SLC30A3: variants seen among roughly 807,000 people sequenced by gnomAD.
SLC30A3 encodes probable proton-coupled zinc antiporter SLC30A3.
In SLC30A3, 20 loss-of-function variants were observed where a neutral mutation model predicts 35.6. That is an observed-to-expected ratio of 0.56 (90% CI 0.39 to 0.82). The LOEUF is 0.82. SLC30A3 is among the 40% of genes least tolerant of loss of function. The pLI is 0.00. For synonymous variants in SLC30A3, 217 were observed against 224.7 expected, an observed-to-expected ratio of 0.97 and a Z score of 0.31; for missense variants, 401 against 530.6, an observed-to-expected ratio of 0.76 and a Z score of 2.40.
At chr2:27,269,309 G>A (rs1203365802) in intron 1 of SLC30A3, among the ~76,000 whole-genome samples, 1 of 150,062 alleles carries the variant, frequency 6.7e-6, no homozygotes, top group African/African-American at 2.5e-5. Flanking sequence ...GGGTTCAAGT[G>A]ATGCTCCTGC....
At chr2:27,269,339 G>A (rs1677633878) in intron 1 of SLC30A3, among the ~76,000 whole-genome samples, 5 of 151,624 alleles carry the variant, frequency 3.3e-5, no homozygotes, top group Admixed American at 3.3e-4. Flanking sequence ...CCGAGTAGCT[G>A]GGACTACAGG....
upstream of SLC30A3, among the ~76,000 whole-genome samples, chr2:27,267,137 C>T (rs1161556978): frequency 6.6e-6 from 1 of 152,090 alleles, no homozygotes; most frequent in Non-Finnish European, 1.5e-5. Context: ...CTGCTCAGGC[C>T]AGACATCCTA....
intron 1 of SLC30A3, 116 bp from the exon 2 acceptor site, chr2:27,259,050 G>T (rs1043034847): frequency 5.0e-6 from 4 of 792,900 alleles, no homozygotes; most frequent in Non-Finnish European, 7.9e-6. Context: ...AGGCCTGGTC[G>T]TATCTGGGAG....
rs371039560 is a variant in SLC30A3 at position 27,254,759 on chromosome 2, AACACACACACACACACAC to A, written c.*535_*552del. 11 of 176,216 alleles carry A rather than the reference AACACACACACACACACAC, an allele frequency of 6.2e-5. No individual in the cohort carries two copies. The highest frequency in any genetic ancestry group is 6.0e-4 in the South Asian group (5 of 8,334). The allele number at this position is 176,216 out of a possible 1,614,324, so 10.9% of individuals were successfully genotyped here. ...GAGACACACAGGCCACAGCACCAAG[AACACACACACACACACAC>A]ACACACACACACACACACACACAGA... On this transcript the variant is annotated 3_prime_UTR_variant, in exon 8 of 8. Coordinates refer to ENST00000233535, the MANE Select transcript of SLC30A3 (RefSeq NM_003459.5).
At chr2:27,269,872 AAAG>A (rs528372450) in intron 1 of SLC30A3, among the ~76,000 whole-genome samples, 5 of 152,156 alleles carry the variant, frequency 3.3e-5, no homozygotes, top group Admixed American at 6.5e-5. Context: ...AAAAAATAAA[AAAG>A]AAGAAGAAGA....
chr2:27,265,496 T>A (rs187908253), upstream of SLC30A3, among the ~76,000 whole-genome samples: 36 of 152,316 alleles, frequency 2.4e-4, no homozygotes, highest in East Asian at 6.8e-3. This position sits in a 1 kb window ranked among gnomAD's most constrained non-coding sequence, Gnocchi z 5.9. Context: ...CAGGATTTAA[T>A]CTGGGCTGGA....
rs1484830094 is a variant in SLC30A3, at chr2:27,257,406, C to A, written c.579-54G>T. On this transcript the variant is annotated intron_variant, in intron 4 of 7. Coordinates refer to ENST00000233535, the MANE Select transcript of SLC30A3 (RefSeq NM_003459.5). The surrounding 1 kb of genome is among the most constrained non-coding windows in gnomAD (Gnocchi z 4.7). ...AGGGCCCTGCTCCTGGCCTCCTATACCCCCATCTCCATGTCTCACCTCCCC... is the reference window on the plus strand; with the variant it reads ...AGGGCCCTGCTCCTGGCCTCCTATAACCCCATCTCCATGTCTCACCTCCCC... 1.1e-5 allele frequency: 17 copies of A among 1,509,338 alleles called. No homozygotes were observed. Among genetic ancestry groups the A allele is most frequent in the East Asian group, 2.4e-5 (1 of 41,050 alleles). 93.5% of individuals were successfully genotyped at this position (1,509,338 alleles called of 1,614,324 possible).
upstream of SLC30A3, chr2:27,275,399 A>G (rs1677970904): frequency 5.2e-6 from 2 of 385,880 alleles, no homozygotes; most frequent in East Asian, 1.5e-4. Context: ...TGGCCTCCCC[A>G]CCCAGTGCTT....
Position 27,255,145 on chromosome 2 carries a change from ACTGGGG to A in SLC30A3, c.*161_*166del. 1.9e-5 allele frequency: 30 copies of A among 1,568,370 alleles called. No individual in the cohort carries two copies. The highest frequency in any genetic ancestry group is 2.6e-5 in the Non-Finnish European group (30 of 1,164,352). On this transcript the variant is annotated 3_prime_UTR_variant, in exon 8 of 8. Coordinates refer to ENST00000233535, the MANE Select transcript of SLC30A3 (RefSeq NM_003459.5). The surrounding 1 kb of genome is among the most constrained non-coding windows in gnomAD (Gnocchi z 5.2). ...TCCCCGCCACACTTTGGTCTTGCCC[ACTGGGG>A]CTGGGGCTGGGGCTGAGGCTGGGGA...
rs746725755 is a variant in SLC30A3 at position 27,258,191 on chromosome 2, G to A, written c.394C>T (p.Arg132Cys). ...SLWLSTRPATRTMTFGWHRSE... is the reference protein window; with the variant it reads ...SLWLSTRPATCTMTFGWHRSE... ...CGGTGCCAGCCAAAGGTCATGGTGC[G>A]GGTGGCTGGACGGGTGGAGAGCCAG... Residue 132 changes from arginine (R) to cysteine (C), a missense_variant, in exon 3 of 8, where the codon CGC becomes TGC. Arg to Cys is a radical substitution (Grantham distance 180, BLOSUM62 -3). Transcript: ENST00000233535. This position sits in a 1 kb window ranked among gnomAD's most constrained non-coding sequence, Gnocchi z 4.0. 12 of 1,598,224 alleles carry A rather than the reference G, an allele frequency of 7.5e-6. No individual in the cohort carries two copies. Among genetic ancestry groups the A allele is most frequent in the East Asian group, 4.5e-5 (2 of 44,682 alleles).
chr2:27,260,132 A>G (rs1279002439), intron 1 of SLC30A3, among the ~76,000 whole-genome samples: 1 of 151,750 alleles, frequency 6.6e-6, no homozygotes, highest in Admixed American at 6.6e-5. Context: ...ACCTCCCAGA[A>G]CCTCCACTCC....
intron 1 of SLC30A3, among the ~76,000 whole-genome samples, chr2:27,269,627 T>C (rs1443182411): frequency 2.0e-5 from 3 of 151,784 alleles, no homozygotes; most frequent in Non-Finnish European, 4.4e-5. Flanking sequence ...GCCATGGGTG[T>C]AGACTGACTC....
chr2:27,263,774 C>G (rs1677352081), upstream of SLC30A3, among the ~76,000 whole-genome samples: 1 of 145,612 alleles, frequency 6.9e-6, no homozygotes, highest in South Asian at 2.6e-4. Context: ...CTCCCCGGCT[C>G]TGGACGCCGC....
At chr2:27,264,480 C>G (rs1394221063), upstream of SLC30A3, among the ~76,000 whole-genome samples, 1 of 152,334 alleles carries the variant, frequency 6.6e-6, no homozygotes, top group African/African-American at 2.4e-5. The surrounding 1 kb of genome is among the most constrained non-coding windows in gnomAD (Gnocchi z 6.1). Context: ...GCTGGCTGTT[C>G]CGGCGGGGGA....
upstream of SLC30A3, among the ~76,000 whole-genome samples, chr2:27,263,818 C>T (rs1433048761): frequency 2.1e-5 from 3 of 144,468 alleles, no homozygotes; most frequent in Non-Finnish European, 3.0e-5. Flanking sequence ...AGTTCTCTTA[C>T]GGGCGGGGGT....
In SLC30A3 at chr2:27,258,966, T is replaced by A. The variant is rs1440319044; in HGVS notation, c.96-32A>T. ...CAAGCAACATGGTTCAACCTGGGCC[T>A]GGCCCACAGGCTGGCCTGCTCACTC... On this transcript the variant is annotated intron_variant, in intron 1 of 7. Coordinates refer to ENST00000233535, the MANE Select transcript of SLC30A3 (RefSeq NM_003459.5). The surrounding 1 kb of genome is among the most constrained non-coding windows in gnomAD (Gnocchi z 4.0). 1 of 1,539,628 alleles carries A rather than the reference T, an allele frequency of 6.5e-7. No homozygotes were observed. Among genetic ancestry groups the A allele is most frequent in the African/African-American group, 1.4e-5 (1 of 73,062 alleles).
At chr2:27,260,723 G>A (rs2148130080) in intron 1 of SLC30A3, among the ~76,000 whole-genome samples, 1 of 152,310 alleles carries the variant, frequency 6.6e-6, no homozygotes, top group African/African-American at 2.4e-5. Flanking sequence ...ACTGAGTTTT[G>A]AGGGAGGTAG....
rs553416904 is a variant in SLC30A3, at chr2:27,262,789, G to A, written c.95+23C>T. 5.8e-5 allele frequency: 88 copies of A among 1,525,868 alleles called. No homozygotes were observed. The highest frequency in any genetic ancestry group is 2.5e-4 in the African/African-American group (17 of 68,976). 94.5% of individuals were successfully genotyped at this position (1,525,868 alleles called of 1,614,324 possible). On this transcript the variant is annotated intron_variant, in intron 1 of 7. Coordinates refer to ENST00000233535, the MANE Select transcript of SLC30A3 (RefSeq NM_003459.5). The surrounding 1 kb of genome is among the most constrained non-coding windows in gnomAD (Gnocchi z 7.5). ...TAGTAGGGTGGCGCCCCCGGGCCGA[G>A]GGCCAGCCCAGGTCTGTCCTACCTC...
chr2:27,256,319 G>A (rs532887661), intron 7 of SLC30A3, 67 bp downstream of exon 7: 2 of 1,575,236 alleles, frequency 1.3e-6, no homozygotes, highest in South Asian at 2.2e-5. Flanking sequence ...AGTAACTCAA[G>A]CTATGGTCCC....
Sources: allele counts gnomAD v4.1 joint callset (sites outside exome capture counted in the v4.1 genomes callset), GRCh38; gene constraint gnomAD v4.1.1; non-coding constraint Gnocchi (gnomAD v3.1); transcripts MANE v1.5; gene names NCBI Gene and HGNC (gene_info 2026-07-23, HGNC 2026-07-21).